ANKRD26: variants seen among roughly 807,000 people sequenced by gnomAD.
The protein encoded by ANKRD26 is ankyrin repeat domain 26.
A neutral mutation model predicts 208.7 loss-of-function variants in ANKRD26; 141 were observed. That is an observed-to-expected ratio of 0.68 (90% CI 0.59 to 0.78). The LOEUF is 0.78. Ranked by LOEUF, ANKRD26 falls within the 30% of genes least tolerant of loss-of-function variation. The pLI is 0.00. For missense variants in ANKRD26, 1,889 were observed against 1,938.7 expected, an observed-to-expected ratio of 0.97 and a Z score of 0.48; for synonymous variants, 636 against 660.4, an observed-to-expected ratio of 0.96 and a Z score of 0.57.
chr10:27,085,517 T>C (rs958436471), intron 5 of ANKRD26, among the ~76,000 whole-genome samples: 6 of 152,248 alleles, frequency 3.9e-5, no homozygotes, highest in Non-Finnish European at 8.8e-5. Context: ...TGACTTGTGC[T>C]TCTCAACAAG....
intron 18 of ANKRD26, 88 bp from the exon 19 acceptor site, chr10:27,044,278 CT>C: frequency 8.6e-7 from 1 of 1,158,722 alleles, no homozygotes; most frequent in South Asian, 1.4e-5. Flanking sequence ...AATAAAAGCT[CT>C]GCATTTGTAA....
At chr10:27,032,101 CT>C (rs1262393905) in intron 25 of ANKRD26, among the ~76,000 whole-genome samples, 1 of 152,208 alleles carries the variant, frequency 6.6e-6, no homozygotes, top group African/African-American at 2.4e-5. Flanking sequence ...GGAAAAAACT[CT>C]CTCAACTTCC....
chr10:27,046,246 G>GA, intron 18 of ANKRD26, 107 bp downstream of exon 18: 1 of 1,145,294 alleles, frequency 8.7e-7, no homozygotes, highest in South Asian at 1.3e-5. Context: ...CAGCAGCATG[G>GA]AAACAGTCGA....
At chr10:26,972,104 G>A (rs6482584), downstream of ANKRD26, among the ~76,000 whole-genome samples, 17,853 of 151,644 alleles carry the variant, frequency 0.12, 1,205 homozygotes, top group African/African-American at 0.18. Context: ...GCGTGGTGGC[G>A]GGCGCCTGTA....
At position 27,067,175 on chromosome 10, in the gene ANKRD26, G is replaced by A. The variant is rs376073599; in HGVS notation, c.1189C>T (p.His397Tyr). 2 of 1,613,240 alleles carry A rather than the reference G, an allele frequency of 1.2e-6. No homozygotes were observed. Among genetic ancestry groups the A allele is most frequent in the African/African-American group, 2.7e-5 (2 of 74,900 alleles). ...NDNLTYVDEV[H>Y]KNNRSDMMSA... ...AACTTACCACTTCTATTATTTTTGT[G>A]CACTTCATCAACATAAGTCAAATTG... is the stretch of plus-strand genomic sequence containing the variant. The change falls in exon 10 of 34, where the codon CAC becomes TAC. Residue 397 changes from histidine to tyrosine, a missense_variant. Around this residue, in one of 3 missense-constraint regions of ANKRD26, gnomAD observed 1,272 missense variants for 1,273.8 expected, o/e 1.00. Transcript: ENST00000376087.
intron 6 of ANKRD26, among the ~76,000 whole-genome samples, chr10:27,081,751 T>G (rs2055911902): frequency 6.6e-6 from 1 of 152,098 alleles, no homozygotes; most frequent in Non-Finnish European, 1.5e-5. Context: ...ATGCTTTTTT[T>G]TTTTGAGACA....
chr10:27,055,703 G>C (rs565018942), intron 15 of ANKRD26, among the ~76,000 whole-genome samples: 1 of 152,138 alleles, frequency 6.6e-6, no homozygotes, highest in Admixed American at 6.5e-5. Context: ...TTAAAACAAG[G>C]TGACAGACTA....
At chr10:26,961,099 C>A in the ANKRD26 span, among the ~76,000 whole-genome samples, 1 of 151,956 alleles carries the variant, frequency 6.6e-6, no homozygotes, top group South Asian at 2.1e-4. Flanking sequence ...TGCCTGTAAT[C>A]CCAGCTACTC....
downstream of ANKRD26, among the ~76,000 whole-genome samples, chr10:26,971,534 G>T (rs1337153468): frequency 6.6e-6 from 1 of 151,844 alleles, no homozygotes; most frequent in African/African-American, 2.4e-5. Flanking sequence ...AATTAGCCAG[G>T]TGTGGTGGCA....
At chr10:26,957,626 G>C in the ANKRD26 span, among the ~76,000 whole-genome samples, 1 of 152,116 alleles carries the variant, frequency 6.6e-6, no homozygotes, top group Admixed American at 6.5e-5. Flanking sequence ...CGGAACATTG[G>C]ACCAATCATT....
At chr10:27,018,385 CA>C (rs1449794082) in intron 29 of ANKRD26, among the ~76,000 whole-genome samples, 9 of 151,944 alleles carry the variant, frequency 5.9e-5, no homozygotes, top group Non-Finnish European at 1.0e-4. Context: ...CTGCCTGCCT[CA>C]GCCTCCCGAA....
At chr10:27,077,138 A>C (rs920321817) in intron 9 of ANKRD26, 200 bp downstream of exon 9, 3 of 595,444 alleles carry the variant, frequency 5.0e-6, no homozygotes, top group Non-Finnish European at 8.9e-6. Context: ...CACATCACAA[A>C]GTAATAATTC....
intron 9 of ANKRD26, among the ~76,000 whole-genome samples, chr10:27,075,651 T>C (rs1564416594): frequency 6.6e-6 from 1 of 152,110 alleles, no homozygotes; most frequent in East Asian, 1.9e-4. Flanking sequence ...ACAATAATAG[T>C]ACAGGACTTC....
intron 25 of ANKRD26, among the ~76,000 whole-genome samples, chr10:27,032,403 G>T (rs963055998): frequency 1.1e-4 from 16 of 152,216 alleles, no homozygotes; most frequent in Admixed American, 2.6e-4. Flanking sequence ...GGGAGGCCGA[G>T]GGGGGTGGAT....
rs758267677 is a variant in ANKRD26, at chr10:27,012,881, C to A, written c.4953+1G>T. On this transcript the variant is annotated splice_donor_variant, in intron 32 of 33. Transcript: ENST00000376087. LOFTEE classifies it high-confidence loss of function. ...AAAGGAAAAAAGACAACATAACTAA[C>A]CTTGCTCAAGTAGTTCTCCATGCTA... The A allele has an allele frequency of 5.6e-6, 9 of 1,611,850 alleles. No homozygotes were observed. The highest frequency in any genetic ancestry group is 2.2e-5 in the East Asian group (1 of 44,874).
At chr10:27,022,982 C>T (rs2053539515) in intron 28 of ANKRD26, among the ~76,000 whole-genome samples, 9 of 152,066 alleles carry the variant, frequency 5.9e-5, no homozygotes, top group Admixed American at 5.9e-4. Flanking sequence ...AAAACATTAA[C>T]TTATTATCAA....
intron 32 of ANKRD26, among the ~76,000 whole-genome samples, chr10:27,008,645 C>T (rs1204276544): frequency 6.6e-6 from 1 of 152,114 alleles, no homozygotes; most frequent in African/African-American, 2.4e-5. Flanking sequence ...ATACTCTTAA[C>T]AAATTGCTTA....
At chr10:27,093,292 C>A in intron 3 of ANKRD26, 57 bp downstream of exon 3, 1 of 1,516,906 alleles carries the variant, frequency 6.6e-7, no homozygotes, top group South Asian at 1.2e-5. Flanking sequence ...TTACATATGT[C>A]ACTGTTGAAA....
At position 27,077,489 on chromosome 10, in the gene ANKRD26, T is replaced by A. The variant is rs975797212; in HGVS notation, c.926A>T (p.Asp309Val). The A allele has an allele frequency of 6.2e-7, 1 of 1,614,132 alleles. No homozygotes were observed. Among genetic ancestry groups the A allele is most frequent in the Non-Finnish European group, 8.5e-7 (1 of 1,179,990 alleles). ...VRTGNRTLFE[D>V]RDSDSQDEVV... ...TTCATCTTGACTATCGGAATCTCTA[T>A]CCTCAAACAAAGTTCTATTTCCTGT... Residue 309 changes from aspartate (D) to valine (V), a missense_variant, in exon 9 of 34, where the codon GAT becomes GTT. By Grantham distance (152) the Asp-to-Val change is radical (BLOSUM62 -3). This residue lies in a region of ANKRD26 where 1,272 missense variants were observed against 1,273.8 expected (regional missense o/e 1.00). Coordinates refer to ENST00000376087, the MANE Select transcript of ANKRD26 (RefSeq NM_014915.3).
Sources: allele counts gnomAD v4.1 joint callset (sites outside exome capture counted in the v4.1 genomes callset), GRCh38; gene constraint gnomAD v4.1.1; regional missense constraint gnomAD v4.1.1; transcripts MANE v1.5; gene names NCBI Gene and HGNC (gene_info 2026-07-23, HGNC 2026-07-21).